Variants in EDA observed in about 807,000 individuals in gnomAD.
EDA encodes ectodysplasin-A.
A neutral mutation model predicts 23.6 loss-of-function variants in EDA; 2 were observed. The ratio of observed to expected loss-of-function variants is 0.08; its 90% CI spans 0.03 to 0.27. EDA has a LOEUF of 0.27. EDA is among the 10% of genes least tolerant of loss of function. EDA has a pLI of 1.00. For synonymous variants in EDA, 131 were observed against 132.0 expected (o/e 0.99, Z 0.05); for missense variants, 229 against 324.2 (o/e 0.71, Z 2.26).
chrX:69,951,831 G>T lies in EDA; in HGVS notation c.397-5196G>T, dbSNP rs1028128194. Among the ~76,000 whole-genome samples the T allele has an allele frequency of 4.2e-4, 47 of 111,898 alleles. 1 individual carries two copies. The highest frequency in any genetic ancestry group is 1.4e-3 in the African/African-American group (44 of 30,887). On this transcript the variant is annotated intron_variant, in intron 1 of 7. Coordinates refer to ENST00000374552, the MANE Select transcript of EDA (RefSeq NM_001399.5). ...TGTTTACCATGTAATTTTACCCTAG[G>T]AAACAAGGGTGTAATCACTTAATAA...
intron 1 of EDA, among the ~76,000 whole-genome samples, chrX:69,885,092 C>A (rs1304710102): frequency 8.9e-6 from 1 of 112,330 alleles, no homozygotes; most frequent in Non-Finnish European, 1.9e-5. Flanking sequence ...CATCTTTTCA[C>A]GTGCTCATTG....
chrX:69,789,319 A>C, intron 1 of EDA, among the ~76,000 whole-genome samples: 1 of 112,243 alleles, frequency 8.9e-6, no homozygotes, highest in Admixed American at 9.4e-5. Flanking sequence ...GCTCCTCCCC[A>C]GAAGAGATGT....
At position 69,898,419 on chromosome X, in the gene EDA, C is replaced by CA. The variant is rs764675340; in HGVS notation, c.397-58595dup. On this transcript the variant is annotated intron_variant, in intron 1 of 7. Transcript: ENST00000374552. ...TGAAACCCCATCCCTGCTAAAAATA[C>CA]AAAAAAAAAAAAATTAGCTGGGTGT... Among the ~76,000 whole-genome samples the CA allele has an allele frequency of 0.011, 1,032 of 94,848 alleles. 31 individuals carry two copies. The East Asian group carries it at 0.13, about 12-fold the overall frequency. The allele number at this position is 94,848 out of a possible 115,157, so 82.4% of individuals were successfully genotyped here. A position where few individuals can be genotyped will look rare whatever the true frequency, so the allele number is the denominator to read the frequency against.
At chrX:70,019,211 G>A (rs1018303382) in intron 2 of EDA, among the ~76,000 whole-genome samples, 2 of 112,192 alleles carry the variant, frequency 1.8e-5, no homozygotes, top group Non-Finnish European at 3.8e-5. Flanking sequence ...TGGTGAAATT[G>A]TGGAGAAAAA....
At chrX:69,837,651 A>G (rs2016807961) in intron 1 of EDA, among the ~76,000 whole-genome samples, 1 of 112,495 alleles carries the variant, frequency 8.9e-6, no homozygotes, top group African/African-American at 3.2e-5. Context: ...TTGAAAGTCA[A>G]TGCCTACAGT....
intron 1 of EDA, among the ~76,000 whole-genome samples, chrX:69,682,175 T>C (rs1028180869): frequency 6.2e-5 from 7 of 112,467 alleles, no homozygotes; most frequent in African/African-American, 9.7e-5. Context: ...GCAGTCTGCC[T>C]GTTCTCAGAT....
intron 2 of EDA, among the ~76,000 whole-genome samples, chrX:69,958,954 C>G (rs1370870238): frequency 9.0e-6 from 1 of 111,341 alleles, no homozygotes; most frequent in Admixed American, 9.6e-5. Flanking sequence ...GTGGTCTTCC[C>G]TCCCTCTCTG....
chrX:69,783,470 A>C (rs1171691898), intron 1 of EDA, among the ~76,000 whole-genome samples: 1 of 85,312 alleles, frequency 1.2e-5, no homozygotes, highest in African/African-American at 4.5e-5. Context: ...CCAGAGTATG[A>C]TGTTCCCCTT....
intron 1 of EDA, among the ~76,000 whole-genome samples, chrX:69,669,877 A>G (rs533039742): frequency 9.0e-6 from 1 of 111,396 alleles, no homozygotes; most frequent in South Asian, 3.7e-4. Flanking sequence ...CTTTATGTCT[A>G]TGAGTTGTTC....
At chrX:69,960,023 G>A (rs1222984204) in intron 2 of EDA, among the ~76,000 whole-genome samples, 1 of 111,708 alleles carries the variant, frequency 9.0e-6, no homozygotes, top group Non-Finnish European at 1.9e-5. Flanking sequence ...GCCAAGGTAA[G>A]GACTCTGGCT....
At chrX:69,748,275 A>G (rs1186551083) in intron 1 of EDA, among the ~76,000 whole-genome samples, 1 of 111,190 alleles carries the variant, frequency 9.0e-6, no homozygotes, top group Non-Finnish European at 1.9e-5. Context: ...CCAGAGAAAC[A>G]CCTGTTGAAT....
intron 2 of EDA, among the ~76,000 whole-genome samples, chrX:69,969,104 C>G (rs2019213432): frequency 8.9e-6 from 1 of 112,091 alleles, no homozygotes. Context: ...ACATGGTATA[C>G]TGGAAAGAAG....
intron 1 of EDA, among the ~76,000 whole-genome samples, chrX:69,845,154 A>G (rs1402523178): frequency 8.9e-6 from 1 of 112,657 alleles, no homozygotes; most frequent in East Asian, 2.8e-4. Flanking sequence ...TAGTTGAAGG[A>G]GAAAAAACAT....
At chrX:69,937,375 G>T (rs1190269572) in intron 1 of EDA, 3 of 642,574 alleles carry the variant, frequency 4.7e-6, no homozygotes, top group Non-Finnish European at 8.0e-6. Flanking sequence ...AGCTCTAACT[G>T]TTCTGCCACC....
intron 1 of EDA, among the ~76,000 whole-genome samples, chrX:69,748,952 T>G (rs2013713471): frequency 9.1e-6 from 1 of 110,403 alleles, no homozygotes; most frequent in Non-Finnish European, 1.9e-5. Context: ...TTTTTTTTAA[T>G]TATACTTTAA....
At chrX:69,820,584 A>G (rs1323542822) in intron 1 of EDA, among the ~76,000 whole-genome samples, 2 of 112,436 alleles carry the variant, frequency 1.8e-5, no homozygotes, top group Non-Finnish European at 3.8e-5. Flanking sequence ...GTCAAAGGAC[A>G]TGAACAGACA....
intron 1 of EDA, among the ~76,000 whole-genome samples, chrX:69,917,538 A>G (rs2018363955): frequency 1.8e-5 from 2 of 111,663 alleles, no homozygotes; most frequent in Admixed American, 1.9e-4. Flanking sequence ...TTAACAGGTA[A>G]AGGAATATCA....
intron 2 of EDA, among the ~76,000 whole-genome samples, chrX:70,003,921 A>G (rs773350482): frequency 8.9e-6 from 1 of 111,953 alleles, no homozygotes; most frequent in African/African-American, 3.2e-5. Context: ...CACAGTGTGA[A>G]AAACACTGCA....
chrX:69,690,941 G>A (rs947524472), intron 1 of EDA, among the ~76,000 whole-genome samples: 2 of 111,537 alleles, frequency 1.8e-5, no homozygotes, highest in Non-Finnish European at 3.8e-5. Context: ...TTCCCTTATA[G>A]TCCTTGATGT....
Sources: gnomAD v4.1 joint callset for allele counts (sites outside exome capture counted in the v4.1 genomes callset) on GRCh38, gnomAD v4.1.1 for gene constraint, MANE v1.5 for transcripts, NCBI Gene and HGNC (gene_info 2026-07-23, HGNC 2026-07-21) for gene names.